Variants in TENM2 observed in about 807,000 individuals in gnomAD.
TENM2 encodes the protein teneurin transmembrane protein 2.
TENM2 carries 52 observed loss-of-function variants against 245.2 expected under a neutral mutation model. The ratio of observed to expected loss-of-function variants is 0.21; its 90% CI spans 0.17 to 0.27. The LOEUF (loss-of-function observed/expected upper bound fraction) is 0.27. Ranked by LOEUF, TENM2 falls within the 10% of genes least tolerant of loss-of-function variation. The pLI is 1.00. For synonymous variants in TENM2, 1,363 were observed against 1,438.9 expected, an observed-to-expected ratio of 0.95 and a Z score of 1.19; for missense variants, 3,046 against 3,666.8, an observed-to-expected ratio of 0.83 and a Z score of 4.37.
intron 13 of TENM2, chr5:168,186,965 T>G (rs1264044950): frequency 6.6e-6 from 1 of 152,204 alleles, no homozygotes; most frequent in Non-Finnish European, 1.5e-5. Flanking sequence ...AATTTAAAGT[T>G]CACAGTGTCG....
At chr5:167,287,136 G>T (rs1289677117) in intron 1 of TENM2, among the ~76,000 whole-genome samples, 5 of 152,216 alleles carry the variant, frequency 3.3e-5, no homozygotes, top group African/African-American at 1.2e-4. Context: ...AATGTAGTCA[G>T]AGTCTGAGTG....
chr5:167,224,038 A>G, the TENM2 span, among the ~76,000 whole-genome samples: 4 of 151,808 alleles, frequency 2.6e-5, no homozygotes, highest in African/African-American at 9.7e-5. Context: ...TAATGGGATT[A>G]TTTGTTTTTG....
chr5:167,010,177 T>C, the TENM2 span, among the ~76,000 whole-genome samples: 2 of 151,878 alleles, frequency 1.3e-5, no homozygotes, highest in Non-Finnish European at 2.9e-5. Context: ...AGGTCAGGAG[T>C]TCGAGACCAG....
chr5:167,586,983 G>A (rs1775545857), intron 2 of TENM2, among the ~76,000 whole-genome samples: 1 of 152,154 alleles, frequency 6.6e-6, no homozygotes, highest in Admixed American at 6.5e-5. Context: ...AGCATCTTCA[G>A]TCTGAGCTTA....
At chr5:167,132,293 G>A in the TENM2 span, among the ~76,000 whole-genome samples, 2 of 152,106 alleles carry the variant, frequency 1.3e-5, no homozygotes, top group Non-Finnish European at 2.9e-5. Flanking sequence ...GCATCACATA[G>A]ACTCTCTCCC....
At chr5:167,312,659 C>G (rs548024214) in intron 1 of TENM2, among the ~76,000 whole-genome samples, 12 of 152,002 alleles carry the variant, frequency 7.9e-5, no homozygotes, top group Non-Finnish European at 1.6e-4. Flanking sequence ...GAAAATTAAA[C>G]TCAGTGTGTT....
chr5:166,998,539 T>G, the TENM2 span, among the ~76,000 whole-genome samples: 2 of 152,162 alleles, frequency 1.3e-5, no homozygotes, highest in Non-Finnish European at 2.9e-5. Context: ...GACACTATAG[T>G]AATACAACCA....
intron 2 of TENM2, among the ~76,000 whole-genome samples, chr5:167,783,836 C>A (rs1764375833): frequency 6.6e-6 from 1 of 152,046 alleles, no homozygotes; most frequent in South Asian, 2.1e-4. Flanking sequence ...TGTCTCTCCC[C>A]AGGGGAGCAC....
chr5:168,127,290 A>G (rs771380371), intron 12 of TENM2, among the ~76,000 whole-genome samples: 41 of 151,434 alleles, frequency 2.7e-4, no homozygotes, highest in Non-Finnish European at 1.6e-4. Context: ...GTGGTCTGCA[A>G]CTCTCCCCTT....
At chr5:167,985,504 A>G (rs1783177257) in intron 4 of TENM2, among the ~76,000 whole-genome samples, 1 of 152,180 alleles carries the variant, frequency 6.6e-6, no homozygotes, top group Admixed American at 6.5e-5. Flanking sequence ...TTCGTGAGCA[A>G]AGAACAACAT....
intron 25 of TENM2, among the ~76,000 whole-genome samples, chr5:168,240,236 A>G (rs1332609522): frequency 2.0e-5 from 3 of 152,160 alleles, no homozygotes; most frequent in African/African-American, 7.2e-5. Flanking sequence ...ATAAAAATCA[A>G]CAAGACCCAA....
intron 7 of TENM2, among the ~76,000 whole-genome samples, chr5:168,067,486 G>C (rs529860074): frequency 6.6e-6 from 1 of 152,318 alleles, no homozygotes; most frequent in South Asian, 2.1e-4. Context: ...CTTATCAGCG[G>C]AATTCCCCTA....
intron 5 of TENM2, among the ~76,000 whole-genome samples, chr5:168,029,901 C>G (rs1225510357): frequency 1.3e-5 from 2 of 152,166 alleles, no homozygotes; most frequent in African/African-American, 4.8e-5. Flanking sequence ...TTTTAAAGTT[C>G]CATTGATGTG....
intron 2 of TENM2, among the ~76,000 whole-genome samples, chr5:167,517,864 G>A (rs981982890): frequency 1.3e-5 from 2 of 151,942 alleles, no homozygotes; most frequent in African/African-American, 4.8e-5. Flanking sequence ...TGATGGAGTC[G>A]AGAGAGAGTC....
At position 167,667,059 on chromosome 5, in the gene TENM2, T is replaced by C. The variant is rs140639041; in HGVS notation, c.503-208927T>C. On this transcript the variant is annotated intron_variant, in intron 2 of 28. Coordinates refer to ENST00000518659, the Ensembl canonical transcript of TENM2. Reference sequence around the variant, plus strand: ...TAAGACACTCAAATATGATGAACTTTTAAAAATACACAGGTCTTTTGTCAA... The same window carrying C: ...TAAGACACTCAAATATGATGAACTTCTAAAAATACACAGGTCTTTTGTCAA... Among the ~76,000 whole-genome samples, 1,068 of 152,296 alleles carry C rather than the reference T, an allele frequency of 7.0e-3. 19 individuals carry two copies. Among genetic ancestry groups the C allele is most frequent in the African/African-American group, 0.024 (1,010 of 41,566 alleles).
chr5:167,989,350 AT>A (rs1783499278), intron 4 of TENM2, among the ~76,000 whole-genome samples: 1 of 152,154 alleles, frequency 6.6e-6, no homozygotes, highest in Non-Finnish European at 1.5e-5. Context: ...GTTAGAATAG[AT>A]TCCCCAGGTA....
At chr5:167,456,675 A>G (rs1384737313) in intron 2 of TENM2, among the ~76,000 whole-genome samples, 2 of 152,172 alleles carry the variant, frequency 1.3e-5, no homozygotes, top group Non-Finnish European at 2.9e-5. Flanking sequence ...TCTGCTTTCA[A>G]TTTATTAGCT....
In TENM2 at chr5:168,014,355, C is replaced by T. The variant is rs1270761338; in HGVS notation, c.1186+21173C>T. Among the ~76,000 whole-genome samples the T allele has an allele frequency of 2.6e-5, 4 of 152,084 alleles. No individual in the cohort carries two copies. In the East Asian group the frequency reaches 5.8e-4, roughly 22 times the overall value. On this transcript the variant is annotated intron_variant, in intron 5 of 28. Transcript: ENST00000518659. ...TGGAGGCACAAAAATATTAGGTGAC[C>T]TTCTCCAAATTATGTAATTAGTAAG...
intron 2 of TENM2, among the ~76,000 whole-genome samples, chr5:167,416,528 G>C (rs1399087213): frequency 6.6e-6 from 1 of 152,118 alleles, no homozygotes; most frequent in African/African-American, 2.4e-5. Context: ...CGGACTGTCA[G>C]GTGCCTCTAA....
Sources: allele counts gnomAD v4.1 joint callset (sites outside exome capture counted in the v4.1 genomes callset), GRCh38; gene constraint gnomAD v4.1.1; transcripts MANE v1.5; gene names NCBI Gene and HGNC (gene_info 2026-07-23, HGNC 2026-07-21).